Variants in AUTS2 observed in about 807,000 individuals in gnomAD.
AUTS2 encodes activator of transcription and developmental regulator AUTS2.
A neutral mutation model predicts 112.4 loss-of-function variants in AUTS2; 17 were observed. That is an observed-to-expected ratio of 0.15 (90% CI 0.10 to 0.23). The LOEUF (loss-of-function observed/expected upper bound fraction) is 0.23, where lower values mean the gene tolerates loss of function less well. AUTS2 is among the 10% of genes least tolerant of loss of function. The probability of loss-of-function intolerance (pLI) is 1.00; values close to 1 mark genes in which losing one functional copy is unlikely to be tolerated. For synonymous variants in AUTS2, 751 were observed against 702.7 expected, an observed-to-expected ratio of 1.07 and a Z score of -1.09; for missense variants, 1,510 against 1,701.6, an observed-to-expected ratio of 0.89 and a Z score of 1.98.
chr7:70,063,167 GTT>G (rs1802331776), intron 2 of AUTS2, among the ~76,000 whole-genome samples: 1 of 151,898 alleles, frequency 6.6e-6, no homozygotes, highest in Admixed American at 6.6e-5. Flanking sequence ...AGTGGGACTT[GTT>G]TTTATTGGAT....
intron 1 of AUTS2, among the ~76,000 whole-genome samples, chr7:69,771,736 C>T (rs1304458107): frequency 2.7e-5 from 4 of 150,796 alleles, no homozygotes; most frequent in Non-Finnish European, 5.9e-5. Flanking sequence ...ATTTCAAGAT[C>T]AGGTTTTTTT....
chr7:70,617,815 G>A (rs566792903), intron 5 of AUTS2, among the ~76,000 whole-genome samples: 68 of 152,222 alleles, frequency 4.5e-4, no homozygotes, highest in East Asian at 1.9e-4. Context: ...ATCTACTTTC[G>A]CTGAAATTTA....
At chr7:70,031,741 CT>C (rs1800789788) in intron 2 of AUTS2, among the ~76,000 whole-genome samples, 1 of 152,152 alleles carries the variant, frequency 6.6e-6, no homozygotes, top group Non-Finnish European at 1.5e-5. Context: ...AGTACATCTG[CT>C]CCTGTTTCTG....
chr7:70,545,685 G>A (rs1028574648), intron 5 of AUTS2, among the ~76,000 whole-genome samples: 18 of 152,274 alleles, frequency 1.2e-4, no homozygotes, highest in Admixed American at 3.3e-4. Flanking sequence ...TTTTCTTCTG[G>A]AAGGAGCTAC....
intron 2 of AUTS2, among the ~76,000 whole-genome samples, chr7:70,005,457 T>A (rs574292291): frequency 1.3e-5 from 2 of 152,342 alleles, no homozygotes; most frequent in East Asian, 3.8e-4. Flanking sequence ...TGACAGGCAC[T>A]GGTACAGAAA....
chr7:69,892,531 A>G (rs2129539392), intron 1 of AUTS2, among the ~76,000 whole-genome samples: 1 of 152,288 alleles, frequency 6.6e-6, no homozygotes, highest in East Asian at 1.9e-4. Flanking sequence ...TGGCTTATCT[A>G]TTTATGTATC....
In AUTS2 at chr7:69,944,432, G is replaced by C. The variant is rs931820324; in HGVS notation, c.522+44934G>C. On this transcript the variant is annotated intron_variant, in intron 2 of 18. Coordinates refer to ENST00000342771, the MANE Select transcript of AUTS2 (RefSeq NM_015570.4). Reference sequence around the variant, plus strand: ...GCTGCCTGTGTGATTTGATTCATGTGCACTTTAAAAACCTGTTTTATCTAA... The same window carrying C: ...GCTGCCTGTGTGATTTGATTCATGTCCACTTTAAAAACCTGTTTTATCTAA... Among the ~76,000 whole-genome samples the C allele has an allele frequency of 8.5e-5, 13 of 152,246 alleles. 1 individual carries two copies. In the South Asian group the frequency reaches 1.0e-3, roughly 12 times the overall value.
intron 1 of AUTS2, among the ~76,000 whole-genome samples, chr7:69,784,668 AACAGTT>A (rs1213354262): frequency 6.6e-6 from 1 of 152,194 alleles, no homozygotes; most frequent in Non-Finnish European, 1.5e-5. Flanking sequence ...GAAAGAAAGG[AACAGTT>A]ACAGGGAGGT....
At chr7:70,088,452 G>A (rs1386057308) in intron 2 of AUTS2, among the ~76,000 whole-genome samples, 2 of 151,002 alleles carry the variant, frequency 1.3e-5, no homozygotes, top group Non-Finnish European at 3.0e-5. Context: ...ATTCTTTATT[G>A]CCTTTCAGTT....
chr7:70,760,245 T>A (rs1389969731), intron 6 of AUTS2, among the ~76,000 whole-genome samples: 2 of 152,220 alleles, frequency 1.3e-5, no homozygotes, highest in Non-Finnish European at 2.9e-5. Flanking sequence ...GACCTCGTGA[T>A]CCGCCCGCCT....
intron 2 of AUTS2, among the ~76,000 whole-genome samples, chr7:70,012,419 AAC>A (rs1161689609): frequency 6.6e-5 from 10 of 152,218 alleles, no homozygotes; most frequent in African/African-American, 2.4e-4. Context: ...TTGTGAAACA[AAC>A]CATGTAAAAA....
chr7:69,617,295 C>T (rs1374335902), intron 1 of AUTS2, among the ~76,000 whole-genome samples: 1 of 152,108 alleles, frequency 6.6e-6, no homozygotes, highest in Non-Finnish European at 1.5e-5. Flanking sequence ...ACTGAGGACT[C>T]ACTTGTATGT....
chr7:70,311,960 C>T (rs1244594459), intron 4 of AUTS2, among the ~76,000 whole-genome samples: 1 of 152,190 alleles, frequency 6.6e-6, no homozygotes, highest in South Asian at 2.1e-4. Flanking sequence ...GTGATCCGCC[C>T]GCCTTGGCCT....
At chr7:70,045,406 C>G (rs1268815329) in intron 2 of AUTS2, among the ~76,000 whole-genome samples, 1 of 151,912 alleles carries the variant, frequency 6.6e-6, no homozygotes, top group Non-Finnish European at 1.5e-5. Flanking sequence ...TTTATAGGTC[C>G]TCTTTAATCA....
chr7:70,681,514 T>C (rs1808206871), intron 5 of AUTS2, among the ~76,000 whole-genome samples: 1 of 133,766 alleles, frequency 7.5e-6, no homozygotes, highest in African/African-American at 2.7e-5. Context: ...AGTGTACATA[T>C]ATATATATAT....
At chr7:69,611,405 T>G (rs1227443264) in intron 1 of AUTS2, among the ~76,000 whole-genome samples, 2 of 152,246 alleles carry the variant, frequency 1.3e-5, no homozygotes, top group African/African-American at 4.8e-5. Context: ...TGAGACCTGC[T>G]GTGTTAGACA....
chr7:69,603,060 A>T (rs1221035060), intron 1 of AUTS2, among the ~76,000 whole-genome samples: 2 of 152,204 alleles, frequency 1.3e-5, no homozygotes, highest in Non-Finnish European at 2.9e-5. Flanking sequence ...ATTATTATAG[A>T]TGCTAAGAGT....
intron 2 of AUTS2, among the ~76,000 whole-genome samples, chr7:69,963,371 C>T (rs940258146): frequency 6.6e-6 from 1 of 152,126 alleles, no homozygotes; most frequent in Non-Finnish European, 1.5e-5. Context: ...TAGAATCTTT[C>T]ACCACTTAAC....
At chr7:69,801,904 TGTG>T (rs1210170599) in intron 1 of AUTS2, among the ~76,000 whole-genome samples, 2 of 152,040 alleles carry the variant, frequency 1.3e-5, no homozygotes, top group African/African-American at 4.8e-5. Context: ...TGTGTGCTGT[TGTG>T]GTGGTGGGGC....
Sources: allele counts gnomAD v4.1 joint callset (sites outside exome capture counted in the v4.1 genomes callset), GRCh38; gene constraint gnomAD v4.1.1; transcripts MANE v1.5; gene names NCBI Gene and HGNC (gene_info 2026-07-23, HGNC 2026-07-21).